The following ELAVL2 variants were observed in gnomAD, a reference collection of about 807,000 sequenced individuals.
ELAVL2 encodes the protein ELAV like RNA binding protein 2, also known as ELAV-like protein 2.
In ELAVL2, 4 loss-of-function variants were observed where a neutral mutation model predicts 34.6. The observed-to-expected ratio is 0.12, with a 90% confidence interval of 0.06 to 0.26. The LOEUF (loss-of-function observed/expected upper bound fraction) is 0.26. Ranked by LOEUF, ELAVL2 falls within the 10% of genes least tolerant of loss-of-function variation. ELAVL2 has a pLI of 1.00. For missense variants in ELAVL2, 432 were observed against 442.8 expected (o/e 0.98, Z 0.22); for synonymous variants, 193 against 154.8 (o/e 1.25, Z -1.83).
intron 2 of ELAVL2, among the ~76,000 whole-genome samples, chr9:23,753,135 C>T (rs2052573027): frequency 6.6e-6 from 1 of 152,100 alleles, no homozygotes; most frequent in African/African-American, 2.4e-5. Context: ...CTGTATAGAC[C>T]TGACAAATCG....
At chr9:23,731,449 C>G (rs1457851294) in intron 2 of ELAVL2, among the ~76,000 whole-genome samples, 1 of 152,148 alleles carries the variant, frequency 6.6e-6, no homozygotes, top group African/African-American at 2.4e-5. Flanking sequence ...GGATAAATCT[C>G]TGTGCTATGG....
At chr9:23,846,996 T>C in the ELAVL2 span, among the ~76,000 whole-genome samples, 2 of 152,108 alleles carry the variant, frequency 1.3e-5, no homozygotes, top group African/African-American at 2.4e-5. Context: ...ACTCAGTTTC[T>C]AGGTGAAATA....
intron 3 of ELAVL2, among the ~76,000 whole-genome samples, chr9:23,712,480 T>C (rs1282010241): frequency 4.6e-5 from 7 of 152,206 alleles, no homozygotes; most frequent in Admixed American, 4.6e-4. Flanking sequence ...ACAGTTATTA[T>C]AATTCTTCTA....
At chr9:23,738,195 A>G (rs572641502) in intron 2 of ELAVL2, among the ~76,000 whole-genome samples, 13 of 152,342 alleles carry the variant, frequency 8.5e-5, no homozygotes, top group Admixed American at 2.0e-4. Context: ...AATATCTCAG[A>G]TCTGATACAC....
the ELAVL2 span, among the ~76,000 whole-genome samples, chr9:23,849,295 G>A: frequency 6.6e-6 from 1 of 152,054 alleles, no homozygotes; most frequent in Non-Finnish European, 1.5e-5. Flanking sequence ...TGGGAAGGAG[G>A]GTTAATAAGC....
At chr9:23,765,071 T>C in intron 1 of ELAVL2, 1 of 1,608,786 alleles carries the variant, frequency 6.2e-7, no homozygotes. Context: ...TCACACAGTC[T>C]GACTGCCATG....
chr9:23,760,683 A>C (rs1264096017), intron 2 of ELAVL2, among the ~76,000 whole-genome samples: 2 of 152,106 alleles, frequency 1.3e-5, no homozygotes, highest in Non-Finnish European at 2.9e-5. Flanking sequence ...CAGAAACATA[A>C]GAACCACCTT....
At chr9:23,761,541 G>A (rs1242639022) in intron 2 of ELAVL2, among the ~76,000 whole-genome samples, 1 of 151,992 alleles carries the variant, frequency 6.6e-6, no homozygotes, top group Non-Finnish European at 1.5e-5. Flanking sequence ...CAGTGAAAAT[G>A]TTTATACACT....
intron 2 of ELAVL2, among the ~76,000 whole-genome samples, chr9:23,751,148 G>A (rs1262253415): frequency 2.0e-5 from 3 of 152,036 alleles, no homozygotes; most frequent in African/African-American, 7.2e-5. Context: ...GGAGTTGGGG[G>A]TGGTGGATAC....
intron 1 of ELAVL2, among the ~76,000 whole-genome samples, chr9:23,804,487 A>G (rs996346703): frequency 4.6e-5 from 7 of 152,336 alleles, no homozygotes; most frequent in Non-Finnish European, 8.8e-5. Context: ...TACAGATACT[A>G]TATAATAGAG....
intron 2 of ELAVL2, among the ~76,000 whole-genome samples, chr9:23,740,176 C>T (rs2048833721): frequency 6.6e-6 from 1 of 152,126 alleles, no homozygotes; most frequent in African/African-American, 2.4e-5. Flanking sequence ...AATGCCCATT[C>T]CCACTGCCCC....
chr9:23,783,395 A>C (rs2059314502), intron 1 of ELAVL2: 1 of 971,394 alleles, frequency 1.0e-6, no homozygotes. Context: ...AGTTAAACTG[A>C]AGAAAAACAT....
At chr9:23,834,185 AATAC>A in the ELAVL2 span, among the ~76,000 whole-genome samples, 1 of 152,034 alleles carries the variant, frequency 6.6e-6, no homozygotes, top group Non-Finnish European at 1.5e-5. Flanking sequence ...TATGTTGCAT[AATAC>A]ATATTCACAA....
chr9:23,719,017 G>A (rs1167820026), intron 3 of ELAVL2, among the ~76,000 whole-genome samples: 1 of 152,138 alleles, frequency 6.6e-6, no homozygotes, highest in Non-Finnish European at 1.5e-5. Context: ...GGAAAACATG[G>A]ACAACCTTCA....
At chr9:23,704,306 A>C (rs555320309) in intron 4 of ELAVL2, among the ~76,000 whole-genome samples, 1 of 152,156 alleles carries the variant, frequency 6.6e-6, no homozygotes, top group East Asian at 1.9e-4. Context: ...ATATTGCTAT[A>C]GCTTTGTTAA....
At chr9:23,792,621 C>T (rs150285259) in intron 1 of ELAVL2, among the ~76,000 whole-genome samples, 8 of 152,328 alleles carry the variant, frequency 5.3e-5, no homozygotes, top group Non-Finnish European at 1.2e-4. Context: ...TGTATACATA[C>T]AGACCTTCAT....
chr9:23,731,628 A>ATG (rs1176016246), intron 2 of ELAVL2, among the ~76,000 whole-genome samples: 1 of 152,184 alleles, frequency 6.6e-6, no homozygotes. Context: ...GTGAAGAACC[A>ATG]TGTGTGGGCG....
intron 2 of ELAVL2, among the ~76,000 whole-genome samples, chr9:23,736,080 T>C (rs1029994813): frequency 1.3e-5 from 2 of 152,166 alleles, no homozygotes; most frequent in Non-Finnish European, 2.9e-5. Flanking sequence ...TCTGGACCTG[T>C]TTCATTCAAA....
At chr9:23,759,564 C>G (rs1282935301) in intron 2 of ELAVL2, among the ~76,000 whole-genome samples, 3 of 151,174 alleles carry the variant, frequency 2.0e-5, no homozygotes, top group Non-Finnish European at 4.4e-5. Flanking sequence ...TGAACACTCT[C>G]AAAGAAATTA....
Sources: gnomAD v4.1 joint callset for allele counts (sites outside exome capture counted in the v4.1 genomes callset) on GRCh38, gnomAD v4.1.1 for gene constraint, MANE v1.5 for transcripts, NCBI Gene and HGNC (gene_info 2026-07-23, HGNC 2026-07-21) for gene names.